The following RGS14 variants were observed in gnomAD, a reference collection of about 807,000 sequenced individuals.
RGS14 encodes regulator of G protein signaling 14.
RGS14 carries 33 observed loss-of-function variants against 63.8 expected under a neutral mutation model. That is an observed-to-expected ratio of 0.52 (90% CI 0.39 to 0.69). The LOEUF is 0.69. RGS14 is among the 30% of genes least tolerant of loss of function. The pLI is 0.00. For missense variants in RGS14, 739 were observed against 742.9 expected, an observed-to-expected ratio of 0.99 and a Z score of 0.06; for synonymous variants, 296 against 320.9, an observed-to-expected ratio of 0.92 and a Z score of 0.83.
In RGS14 at chr5:177,364,470, G is replaced by C; in HGVS notation, c.46-1493G>C. ...AGGGCTTGTGGGACATTTGAGGGGG[G>C]ACTCGCCCCCCTCCGCTGGGCTGCC... On this transcript the variant is annotated intron_variant, in intron 1 of 14. Coordinates refer to ENST00000408923, the MANE Select transcript of RGS14 (RefSeq NM_006480.5). The surrounding 1 kb of genome is among the most constrained non-coding windows in gnomAD (Gnocchi z 4.6). 6.6e-6 allele frequency among the ~76,000 whole-genome samples: 1 copy of C among 152,130 alleles called. No homozygotes were observed. The highest frequency in any genetic ancestry group is 1.9e-4 in the East Asian group (1 of 5,186).
chr5:177,366,661 T>C (rs1048902367), intron 3 of RGS14, 47 bp from the exon 4 acceptor site: 4 of 1,575,144 alleles, frequency 2.5e-6, no homozygotes, highest in Middle Eastern at 1.7e-4. Context: ...CAGTTTGGTC[T>C]CTGTGTCTCT....
chr5:177,371,431 G>C lies in RGS14; in HGVS notation c.1383+35G>C. 1 of 1,614,114 alleles carries C rather than the reference G, an allele frequency of 6.2e-7. No individual in the cohort carries two copies. Among genetic ancestry groups the C allele is most frequent in the Non-Finnish European group, 8.5e-7 (1 of 1,180,004 alleles). ...AGGCGAGTGGCCTCTTCCACCCTCT[G>C]CTTCTCCCCTCCCGATTTTGGCTCT... On this transcript the variant is annotated intron_variant, in intron 13 of 14. Transcript: ENST00000408923. The surrounding 1 kb of genome is among the most constrained non-coding windows in gnomAD (Gnocchi z 6.1).
At chr5:177,367,909 C>T (rs1762140938) in intron 7 of RGS14, 84 bp downstream of exon 7, 2 of 1,456,852 alleles carry the variant, frequency 1.4e-6, no homozygotes, top group South Asian at 2.8e-5. Flanking sequence ...TCCTACGTGG[C>T]CCACAGTCTG....
Position 177,372,384 on chromosome 5 carries a change from C to T in RGS14, c.*309C>T, listed in dbSNP as rs1244800679. 2.9e-6 allele frequency: 1 copy of T among 346,116 alleles called. No homozygotes were observed. Among genetic ancestry groups the T allele is most frequent in the East Asian group, 5.2e-5 (1 of 19,192 alleles). The allele number at this position is 346,116 out of a possible 1,614,324, so 21.4% of individuals were successfully genotyped here. ...GGATGGCGTTGGCAGTGCCAGCCTC[C>T]CCAGCCTGTGCCAAGCTTCAACAGG... is the stretch of plus-strand genomic sequence containing the variant. On this transcript the variant is annotated 3_prime_UTR_variant, in exon 15 of 15. Coordinates refer to ENST00000408923, the MANE Select transcript of RGS14 (RefSeq NM_006480.5).
chr5:177,366,415 G>A, intron 3 of RGS14, 60 bp downstream of exon 3: 2 of 1,431,448 alleles, frequency 1.4e-6, no homozygotes, highest in Non-Finnish European at 1.9e-6. Flanking sequence ...CGTGGATGGA[G>A]CTTCAGGCTG....
rs1347885273 is a variant in RGS14, at chr5:177,366,749, C to T, written c.288C>T (p.Phe96=). 6.2e-7 allele frequency: 1 copy of T among 1,614,184 alleles called. No homozygotes were observed. Among genetic ancestry groups the T allele is most frequent in the South Asian group, 1.1e-5 (1 of 91,090 alleles). Reference sequence around the variant, plus strand: ...AGTTCAGCGCGGAAAACGTGACTTTCTGGAAGGCCTGCGAGCGCTTCCAGC... The same window carrying T: ...AGTTCAGCGCGGAAAACGTGACTTTTTGGAAGGCCTGCGAGCGCTTCCAGC... ...KKEFSAENVT[F]WKACERFQQI... The change falls in exon 4 of 15, where the codon TTC becomes TTT. Residue 96 remains phenylalanine (F), a synonymous_variant. Transcript: ENST00000408923.
In RGS14 at chr5:177,358,923, C is replaced by T. The variant is rs958313746; in HGVS notation, c.45+854C>T. On this transcript the variant is annotated intron_variant, in intron 1 of 14. Coordinates refer to ENST00000408923, the MANE Select transcript of RGS14 (RefSeq NM_006480.5). This position sits in a 1 kb window ranked among gnomAD's most constrained non-coding sequence, Gnocchi z 4.8. ...AGTGGCTCTATAGAGACCTGGGTTCCAGTCCTGGTTCTATTCTCTCTTACT... is the reference window on the plus strand; with the variant it reads ...AGTGGCTCTATAGAGACCTGGGTTCTAGTCCTGGTTCTATTCTCTCTTACT... Among the ~76,000 whole-genome samples the T allele has an allele frequency of 6.6e-6, 1 of 152,242 alleles. No homozygotes were observed. The highest frequency in any genetic ancestry group is 6.5e-5 in the Admixed American group (1 of 15,286).
At chr5:177,368,510 G>A (rs1323970190) in intron 8 of RGS14, among the ~76,000 whole-genome samples, 2 of 152,268 alleles carry the variant, frequency 1.3e-5, no homozygotes, top group Non-Finnish European at 2.9e-5. Flanking sequence ...TACACAGCAC[G>A]TGTGTGGGAA....
chr5:177,368,100 C>T lies in RGS14; in HGVS notation c.740-57C>T, dbSNP rs1251818068. ...GGCCCACCAGTGGGGAACAGGCTTC[C>T]GCAGAGGATGGGTGAGGGCGGGGGG... On this transcript the variant is annotated intron_variant, in intron 7 of 14. Coordinates refer to ENST00000408923, the MANE Select transcript of RGS14 (RefSeq NM_006480.5). 3.8e-6 allele frequency: 6 copies of T among 1,580,872 alleles called. No individual in the cohort carries two copies. In the Admixed American group the frequency reaches 6.8e-5, roughly 18 times the overall value.
Position 177,372,335 on chromosome 5 carries a change from G to A in RGS14, c.*260G>A, listed in dbSNP as rs931508261. ...ATGGGGGAGGTGAGTCCAGCCCCTT[G>A]GAACAGGCTTGCCCAACATGGAGGG... On this transcript the variant is annotated 3_prime_UTR_variant, in exon 15 of 15. Coordinates refer to ENST00000408923, the MANE Select transcript of RGS14 (RefSeq NM_006480.5). 2.2e-6 allele frequency: 1 copy of A among 461,202 alleles called. No individual in the cohort carries two copies. Among genetic ancestry groups the A allele is most frequent in the Admixed American group, 3.9e-5 (1 of 25,664 alleles). The allele number at this position is 461,202 out of a possible 1,614,324, so 28.6% of individuals were successfully genotyped here.
At position 177,371,057 on chromosome 5, in the gene RGS14, G is replaced by A. The variant is rs952591518; in HGVS notation, c.1254+26G>A. 3 of 1,142,572 alleles carry A rather than the reference G, an allele frequency of 2.6e-6. No homozygotes were observed. The African/African-American group carries it at 7.1e-5, about 27-fold the overall frequency. The allele number at this position is 1,142,572 out of a possible 1,614,324, so 70.8% of individuals were successfully genotyped here. A position where few individuals can be genotyped will look rare whatever the true frequency, so the allele number is the denominator to read the frequency against. On this transcript the variant is annotated intron_variant, in intron 11 of 14. Transcript: ENST00000408923. This position sits in a 1 kb window ranked among gnomAD's most constrained non-coding sequence, Gnocchi z 6.1. ...GTGAGCTTCCGGGCCGCGGGGCGGG[G>A]CGGGGCGGGGCCGGGCCGGGGCCGG...
rs112546360 is a variant in RGS14 at position 177,364,818 on chromosome 5, C to T, written c.46-1145C>T. On this transcript the variant is annotated intron_variant, in intron 1 of 14. Coordinates refer to ENST00000408923, the MANE Select transcript of RGS14 (RefSeq NM_006480.5). This position sits in a 1 kb window ranked among gnomAD's most constrained non-coding sequence, Gnocchi z 4.6. ...TTCCCAGAGAAACCAGAGTTGTGCA[C>T]TGGGGGCAAGGATGGAGTTAGTTAC... 1.7e-3 allele frequency among the ~76,000 whole-genome samples: 255 copies of T among 152,292 alleles called. 4 individuals are homozygous for T. Among genetic ancestry groups the T allele is most frequent in the African/African-American group, 5.8e-3 (241 of 41,550 alleles).
At chr5:177,363,401 T>C (rs1396899909) in intron 1 of RGS14, among the ~76,000 whole-genome samples, 1 of 151,706 alleles carries the variant, frequency 6.6e-6, no homozygotes. Flanking sequence ...CACTGCAACT[T>C]CTTATTCCCG....
At chr5:177,361,410 T>C (rs1001163040) in intron 1 of RGS14, among the ~76,000 whole-genome samples, 2 of 152,126 alleles carry the variant, frequency 1.3e-5, no homozygotes, top group African/African-American at 4.8e-5. Context: ...GAGGAGCCCC[T>C]GAGCAGGTCA....
Position 177,371,846 on chromosome 5 carries a change from G to C in RGS14, c.1499-27G>C. 1 of 1,602,062 alleles carries C rather than the reference G, an allele frequency of 6.2e-7. No homozygotes were observed. The highest frequency in any genetic ancestry group is 8.5e-7 in the Non-Finnish European group (1 of 1,173,286). On this transcript the variant is annotated intron_variant, in intron 14 of 14. Transcript: ENST00000408923. This position sits in a 1 kb window ranked among gnomAD's most constrained non-coding sequence, Gnocchi z 6.1. ...GGCATATAGGCAGGTCTGCTGGGGGGACCCTCATGCTGTGGCTTGCCTCCA... is the reference window on the plus strand; with the variant it reads ...GGCATATAGGCAGGTCTGCTGGGGGCACCCTCATGCTGTGGCTTGCCTCCA...
At position 177,371,552 on chromosome 5, in the gene RGS14, T is replaced by C; in HGVS notation, c.1461T>C (p.Ser487=). The C allele has an allele frequency of 6.2e-7, 1 of 1,613,946 alleles. No individual in the cohort carries two copies. Among genetic ancestry groups the C allele is most frequent in the Non-Finnish European group, 8.5e-7 (1 of 1,179,988 alleles). The change falls in exon 14 of 15, where the codon AGT becomes AGC. Residue 487 remains serine, a synonymous_variant. Transcript: ENST00000408923. This position sits in a 1 kb window ranked among gnomAD's most constrained non-coding sequence, Gnocchi z 6.1. ...ASPSSLVKVP[S]SATGKRQTCD... ...CCAGTTCTCTGGTGAAGGTGCCCAGTAGTGCCACTGGAAAGCGGCAGACCT... is the reference window on the plus strand; with the variant it reads ...CCAGTTCTCTGGTGAAGGTGCCCAGCAGTGCCACTGGAAAGCGGCAGACCT...
Position 177,359,073 on chromosome 5 carries a change from G to T in RGS14, c.45+1004G>T, listed in dbSNP as rs571897606. ...ATATGAGGCCTTTGACCCATTGTGG[G>T]GGCTGCATAATTGTCAGCCCAGTGC... On this transcript the variant is annotated intron_variant, in intron 1 of 14. Transcript: ENST00000408923. This position sits in a 1 kb window ranked among gnomAD's most constrained non-coding sequence, Gnocchi z 4.4. Among the ~76,000 whole-genome samples the T allele has an allele frequency of 6.6e-6, 1 of 152,260 alleles. No individual in the cohort carries two copies. Among genetic ancestry groups the T allele is most frequent in the African/African-American group, 2.4e-5 (1 of 41,548 alleles).
intron 9 of RGS14, 26 bp from the exon 10 acceptor site, chr5:177,370,565 T>C: frequency 1.9e-6 from 3 of 1,609,432 alleles, no homozygotes; most frequent in Non-Finnish European, 1.7e-6. Flanking sequence ...GAGGGACTCT[T>C]AGACCCTGCC....
intron 3 of RGS14, 37 bp from the exon 4 acceptor site, chr5:177,366,671 T>C (rs1218568076): frequency 1.3e-6 from 2 of 1,597,944 alleles, no homozygotes; most frequent in Admixed American, 1.7e-5. Context: ...TCTGTGTCTC[T>C]GAGTCTCTGC....
Sources: gnomAD v4.1 joint callset for allele counts (sites outside exome capture counted in the v4.1 genomes callset) on GRCh38, gnomAD v4.1.1 for gene constraint, Gnocchi (gnomAD v3.1) non-coding constraint, MANE v1.5 for transcripts, NCBI Gene and HGNC (gene_info 2026-07-23, HGNC 2026-07-21) for gene names.